Variants in MLC1 observed in about 807,000 individuals in gnomAD.
MLC1 encodes modulator of VRAC current 1.
A neutral mutation model predicts 44.7 loss-of-function variants in MLC1; 32 were observed. The observed-to-expected ratio is 0.72, with a 90% CI of 0.54 to 0.96. The LOEUF (loss-of-function observed/expected upper bound fraction) is 0.96. Among genes scored for constraint, MLC1 ranks in the 40% least tolerant of loss-of-function variants. MLC1 has a pLI of 0.00. For synonymous variants in MLC1, 190 were observed against 213.0 expected (o/e 0.89, Z 0.94); for missense variants, 459 against 492.2 (o/e 0.93, Z 0.64).
chr22:50,083,930 C>T lies in MLC1; in HGVS notation c.178-757G>A, dbSNP rs1004072961. ...GAGATGGCCACCACCACCCGGGAGC[C>T]GCCTCTGTCCCCAGCTCCGAGGCAG... On this transcript the variant is annotated intron_variant, in intron 2 of 11. Coordinates refer to ENST00000311597, the MANE Select transcript of MLC1 (RefSeq NM_015166.4). The surrounding 1 kb of genome is among the most constrained non-coding windows in gnomAD (Gnocchi z 4.6). Among the ~76,000 whole-genome samples the T allele has an allele frequency of 3.3e-5, 5 of 151,902 alleles. No homozygotes were observed. Among genetic ancestry groups the T allele is most frequent in the Admixed American group, 6.6e-5 (1 of 15,254 alleles).
At position 50,064,237 on chromosome 22, in the gene MLC1, G is replaced by A. The variant is rs113940102; in HGVS notation, c.895-39C>T. 2.1e-4 allele frequency: 320 copies of A among 1,556,760 alleles called. 1 individual carries two copies. The highest frequency in any genetic ancestry group is 2.0e-3 in the Middle Eastern group (11 of 5,630). On this transcript the variant is annotated intron_variant, in intron 10 of 11. Transcript: ENST00000311597. ...GAGGTGTGAGCAGAGTGGCCCAGCC[G>A]CCCTCCAGCCCAGGAGACCAAAGCT...
chr22:50,078,477 G>A (rs190241052), intron 5 of MLC1, among the ~76,000 whole-genome samples: 290 of 151,824 alleles, frequency 1.9e-3, no homozygotes, highest in Middle Eastern at 6.8e-3. Context: ...GGCGGCTCAC[G>A]CCTGTGATCC....
rs903750326 is a variant in MLC1 at position 50,059,649 on chromosome 22, C to A, written c.*1934G>T. The A allele has an allele frequency of 6.6e-6, 1 of 152,338 alleles. No individual in the cohort carries two copies. Among genetic ancestry groups the A allele is most frequent in the Non-Finnish European group, 1.5e-5 (1 of 68,072 alleles). 9.4% of individuals were successfully genotyped at this position (152,338 alleles called of 1,614,324 possible). On this transcript the variant is annotated 3_prime_UTR_variant, in exon 12 of 12. Transcript: ENST00000311597. Reference sequence around the variant, plus strand: ...CCACCCCATTCCCAGGAGCAGACCCCGCCAGCCTCAAAGCTGCAGGGAGGT... The same window carrying A: ...CCACCCCATTCCCAGGAGCAGACCCAGCCAGCCTCAAAGCTGCAGGGAGGT...
rs2061553328 is a variant in MLC1, at chr22:50,061,203, T to TCTGACCC, written c.*379_*380insGGGTCAG. 3.3e-6 allele frequency: 1 copy of TCTGACCC among 301,886 alleles called. No homozygotes were observed. Among genetic ancestry groups the TCTGACCC allele is most frequent in the Non-Finnish European group, 6.4e-6 (1 of 155,202 alleles). 18.7% of individuals were successfully genotyped at this position (301,886 alleles called of 1,614,324 possible). ...GGGCAGGAGACGCAGGGACCCACAG[T>TCTGACCC]CTGGTCAGGTCCAGAGAGCCCACTC... On this transcript the variant is annotated 3_prime_UTR_variant, in exon 12 of 12. Transcript: ENST00000311597.
chr22:50,081,047 AAG>A (rs148349401), intron 3 of MLC1, among the ~76,000 whole-genome samples: 10 of 139,604 alleles, frequency 7.2e-5, no homozygotes, highest in African/African-American at 2.7e-4. Flanking sequence ...GAAAGAAAGA[AAG>A]AAAGAAAGAG....
intron 8 of MLC1, among the ~76,000 whole-genome samples, chr22:50,073,011 C>T (rs552283116): frequency 6.6e-6 from 1 of 152,292 alleles, no homozygotes; most frequent in South Asian, 2.1e-4. Context: ...ACCTGGCAGG[C>T]GTGGGCCCCT....
At chr22:50,068,258 G>A (rs924034109) in intron 10 of MLC1, among the ~76,000 whole-genome samples, 175 bp downstream of exon 10, 1 of 152,216 alleles carries the variant, frequency 6.6e-6, no homozygotes, top group African/African-American at 2.4e-5. Context: ...GAGGCCCTGG[G>A]GCCAGGCTGG....
intron 10 of MLC1, among the ~76,000 whole-genome samples, chr22:50,065,501 C>A (rs1373399516): frequency 1.3e-5 from 2 of 152,222 alleles, no homozygotes; most frequent in Admixed American, 1.3e-4. Context: ...CCATTTGTAT[C>A]CTCCATCACA....
intron 7 of MLC1, among the ~76,000 whole-genome samples, chr22:50,076,103 G>T (rs565338509): frequency 6.6e-6 from 1 of 152,226 alleles, no homozygotes; most frequent in South Asian, 2.1e-4. Flanking sequence ...TCAAAAGATG[G>T]TAAAAATAAG....
chr22:50,073,507 G>A (rs1292778836), intron 8 of MLC1, among the ~76,000 whole-genome samples: 1 of 152,182 alleles, frequency 6.6e-6, no homozygotes, highest in Admixed American at 6.5e-5. Context: ...GAGGCAGGCA[G>A]ATCACTTGAG....
chr22:50,061,357 G>A lies in MLC1; in HGVS notation c.*226C>T, dbSNP rs932767743. On this transcript the variant is annotated 3_prime_UTR_variant, in exon 12 of 12. Coordinates refer to ENST00000311597, the MANE Select transcript of MLC1 (RefSeq NM_015166.4). Reference sequence around the variant, plus strand: ...GGCCATGCTCCTGCTGTTACGACACGGGAGCCACTCGGAGCTGACTGATCT... The same window carrying A: ...GGCCATGCTCCTGCTGTTACGACACAGGAGCCACTCGGAGCTGACTGATCT... The A allele has an allele frequency of 2.6e-5, 15 of 587,672 alleles. No homozygotes were observed. The highest frequency in any genetic ancestry group is 1.1e-4 in the Admixed American group (4 of 36,158). The allele number at this position is 587,672 out of a possible 1,614,324, so 36.4% of individuals were successfully genotyped here.
chr22:50,067,438 A>G (rs1248466140), intron 10 of MLC1, among the ~76,000 whole-genome samples: 5 of 112,600 alleles, frequency 4.4e-5, no homozygotes, highest in Non-Finnish European at 9.0e-5. Flanking sequence ...CCTGTCAGGC[A>G]GTGACTCCAT....
At position 50,061,322 on chromosome 22, in the gene MLC1, G is replaced by A; in HGVS notation, c.*261C>T. On this transcript the variant is annotated 3_prime_UTR_variant, in exon 12 of 12. Coordinates refer to ENST00000311597, the MANE Select transcript of MLC1 (RefSeq NM_015166.4). The stretch of plus-strand genomic sequence containing the variant: ...CGAGCCGGGGGCCCTTCCTCGGCCT[G>A]GGAAGTTGCGGCCATGCTCCTGCTG... The A allele has an allele frequency of 1.8e-6, 1 of 542,148 alleles. No homozygotes were observed. The highest frequency in any genetic ancestry group is 5.2e-4 in the Middle Eastern group (1 of 1,934). 33.6% of individuals were successfully genotyped at this position (542,148 alleles called of 1,614,324 possible).
chr22:50,074,187 G>C, intron 8 of MLC1, 29 bp downstream of exon 8: 1 of 1,572,164 alleles, frequency 6.4e-7, no homozygotes, highest in Non-Finnish European at 8.7e-7. Flanking sequence ...GCCCAGAGCG[G>C]CGGCGGGCGG....
Position 50,083,085 on chromosome 22 carries a change from G to A in MLC1, c.266C>T (p.Ser89Phe), listed in dbSNP as rs2062186441. ...EMDYLRCAAG[S>F]CIPSAIVSFT... ...AGAGGCGTGGAGGAAGCTGCTTACA[G>A]AGCCTGCAGCACAGCGCAAGTAATC... The change falls in exon 3 of 12, where the codon TCT becomes TTT. Residue 89 changes from serine (S) to phenylalanine (F), a missense_variant and splice_region_variant. Ser to Phe is a radical substitution (Grantham distance 155). Coordinates refer to ENST00000311597, the MANE Select transcript of MLC1 (RefSeq NM_015166.4). This position sits in a 1 kb window ranked among gnomAD's most constrained non-coding sequence, Gnocchi z 4.6. 2 of 1,613,890 alleles carry A rather than the reference G, an allele frequency of 1.2e-6. No homozygotes were observed. Among genetic ancestry groups the A allele is most frequent in the South Asian group, 1.1e-5 (1 of 91,086 alleles).
chr22:50,082,225 G>A (rs1437184901), intron 3 of MLC1, among the ~76,000 whole-genome samples: 1 of 95,616 alleles, frequency 1.0e-5, no homozygotes, highest in Admixed American at 1.3e-4. Context: ...CGGGCCAGAG[G>A]GGCATGGGGT....
In MLC1 at chr22:50,064,621, G is replaced by T. The variant is rs528966389; in HGVS notation, c.895-423C>A. 2.7e-5 allele frequency among the ~76,000 whole-genome samples: 4 copies of T among 148,788 alleles called. No individual in the cohort carries two copies. The East Asian group carries it at 7.9e-4, about 29-fold the overall frequency. On this transcript the variant is annotated intron_variant, in intron 10 of 11. Transcript: ENST00000311597. ...GGAGGAGACAGGGGGCAGCCGTCCT[G>T]GGGGGATGGGGTGCACAGACCCCCA...
chr22:50,078,453 A>G (rs536867005), intron 5 of MLC1, among the ~76,000 whole-genome samples: 4 of 152,196 alleles, frequency 2.6e-5, no homozygotes, highest in South Asian at 4.2e-4. Context: ...AAACTGACAG[A>G]TCAGGCAGAG....
In MLC1 at chr22:50,083,101, G is replaced by A. The variant is rs281875311; in HGVS notation, c.250C>T (p.Arg84Cys). Residue 84 changes from arginine to cysteine, a missense_variant, in exon 3 of 12, where the codon CGC becomes TGC. Coordinates refer to ENST00000311597, the MANE Select transcript of MLC1 (RefSeq NM_015166.4). This position sits in a 1 kb window ranked among gnomAD's most constrained non-coding sequence, Gnocchi z 4.6. ...CTGCTTACAGAGCCTGCAGCACAGC[G>A]CAAGTAATCCATCTCAGCCGGGAAC... Reference protein sequence around the residue: ...NVFPAEMDYLRCAAGSCIPSA... With the variant: ...NVFPAEMDYLCCAAGSCIPSA... 4 of 1,614,074 alleles carry A rather than the reference G, an allele frequency of 2.5e-6. No homozygotes were observed. The highest frequency in any genetic ancestry group is 1.1e-5 in the South Asian group (1 of 91,082).
Sources: gnomAD v4.1 joint callset for allele counts (sites outside exome capture counted in the v4.1 genomes callset) on GRCh38, gnomAD v4.1.1 for gene constraint, Gnocchi (gnomAD v3.1) non-coding constraint, MANE v1.5 for transcripts, NCBI Gene and HGNC (gene_info 2026-07-23, HGNC 2026-07-21) for gene names.